TAPBPL: variants seen among roughly 807,000 people sequenced by gnomAD.
The protein encoded by TAPBPL is tapasin-related protein.
A neutral mutation model predicts 44.8 loss-of-function variants in TAPBPL; 32 were observed. The ratio of observed to expected loss-of-function variants is 0.71; its 90% CI spans 0.54 to 0.96. TAPBPL has a LOEUF of 0.96. Ranked by LOEUF, TAPBPL falls within the 40% of genes least tolerant of loss-of-function variation. TAPBPL has a pLI of 0.00. For synonymous variants in TAPBPL, 230 were observed against 240.7 expected (o/e 0.96, Z 0.41); for missense variants, 520 against 586.6 (o/e 0.89, Z 1.17).
chr12:6,458,749 C>A lies in TAPBPL; in HGVS notation c.1009C>A (p.Arg337=). Residue 337 remains arginine, a synonymous_variant, in exon 5 of 7, where the codon CGA becomes AGA. Coordinates refer to ENST00000266556, the MANE Select transcript of TAPBPL (RefSeq NM_018009.5). Reference sequence around the variant, plus strand: ...TCTGGATGTGGTGGTGACGTGGACCCGAGAGGAGCTGGGTGGATCCCCAGC... The same window carrying A: ...TCTGGATGTGGTGGTGACGTGGACCAGAGAGGAGCTGGGTGGATCCCCAGC... ...YPLDVVVTWT[R]EELGGSPAQV... is the part of the protein sequence containing the mutation. 1.2e-6 allele frequency: 2 copies of A among 1,614,164 alleles called. No homozygotes were observed. The highest frequency in any genetic ancestry group is 1.7e-6 in the Non-Finnish European group (2 of 1,180,038).
Position 6,452,232 on chromosome 12 carries a change from ACTCGAGAGCAGC to A in TAPBPL, c.-13_-2del. 6.4e-7 allele frequency: 1 copy of A among 1,566,442 alleles called. No homozygotes were observed. The highest frequency in any genetic ancestry group is 2.3e-5 in the East Asian group (1 of 43,268). On this transcript the variant is annotated 5_prime_UTR_variant, in exon 1 of 7. Transcript: ENST00000266556. ...GAGAAGGGCGGTGGGCAAGGAGGGA[ACTCGAGAGCAGC>A]CTCCATGGGCACACAGGAGGGCTGG... is the stretch of plus-strand genomic sequence containing the variant.
rs764106054 is a variant in TAPBPL at position 6,457,645 on chromosome 12, A to T, written c.805A>T (p.Thr269Ser). The change falls in exon 4 of 7, where the codon ACC becomes TCC. Residue 269 changes from threonine (T) to serine (S), a missense_variant. Physicochemically the swap from Thr to Ser is moderately conservative, Grantham distance 58. Transcript: ENST00000266556. ...GGGCATGGCCAGGGATGCCTCCCTC[A>T]CCCTGCCCGGCCTCACTATACAGGA... ...QLGMARDASL[T>S]LPGLTIQDEG... The T allele has an allele frequency of 1.2e-6, 2 of 1,613,842 alleles. No homozygotes were observed. Among genetic ancestry groups the T allele is most frequent in the African/African-American group, 2.7e-5 (2 of 74,858 alleles).
chr12:6,464,445 A>G (rs1432741462), downstream of TAPBPL: 2 of 1,566,314 alleles, frequency 1.3e-6, no homozygotes, highest in Non-Finnish European at 1.7e-6. Flanking sequence ...ATGGCAATGG[A>G]CAACAGGGAA....
In TAPBPL at chr12:6,453,305, C is replaced by T. The variant is rs1328675618; in HGVS notation, c.295+8C>T. 1 of 1,613,400 alleles carries T rather than the reference C, an allele frequency of 6.2e-7. No homozygotes were observed. The highest frequency in any genetic ancestry group is 1.7e-4 in the Middle Eastern group (1 of 6,060). ...TTATCTTTGAGGCCTCAGGTAAAAG[C>T]CTTCCACCTGTGTCCTTGGTCCTCC... On this transcript the variant is annotated splice_region_variant and intron_variant, in intron 2 of 6. Coordinates refer to ENST00000266556, the MANE Select transcript of TAPBPL (RefSeq NM_018009.5). The surrounding 1 kb of genome is among the most constrained non-coding windows in gnomAD (Gnocchi z 4.8).
At chr12:6,463,810 C>G (rs1949938276), downstream of TAPBPL, 3 of 1,203,604 alleles carry the variant, frequency 2.5e-6, no homozygotes, top group Admixed American at 3.3e-5. The surrounding 1 kb of genome is among the most constrained non-coding windows in gnomAD (Gnocchi z 4.0). Flanking sequence ...TTCACAATCC[C>G]TAAGTGTTCT....
Position 6,453,013 on chromosome 12 carries a change from A to C in TAPBPL, c.65-54A>C, listed in dbSNP as rs1282104073. 1 of 1,509,138 alleles carries C rather than the reference A, an allele frequency of 6.6e-7. No homozygotes were observed. The highest frequency in any genetic ancestry group is 2.4e-5 in the East Asian group (1 of 40,842). The allele number at this position is 1,509,138 out of a possible 1,614,324, so 93.5% of individuals were successfully genotyped here. On this transcript the variant is annotated intron_variant, in intron 1 of 6. Transcript: ENST00000266556. The surrounding 1 kb of genome is among the most constrained non-coding windows in gnomAD (Gnocchi z 4.8). ...AGCTTGAGGGCGGGGGCAGGAAGCA[A>C]GTGTGGAGTAGCTTTCTGGGGAAGG...
intron 4 of TAPBPL, 143 bp from the exon 5 acceptor site, chr12:6,458,500 TCA>T: frequency 2.1e-6 from 2 of 970,728 alleles, no homozygotes; most frequent in Non-Finnish European, 3.0e-6. Context: ...GGTGGGCCCC[TCA>T]CACACCCCCG....
rs369558514 is a variant in TAPBPL at position 6,461,165 on chromosome 12, A to C, written c.1291+227A>C. On this transcript the variant is annotated intron_variant, in intron 6 of 6. Coordinates refer to ENST00000266556, the MANE Select transcript of TAPBPL (RefSeq NM_018009.5). ...TGTCACTCTCCTGCCTCAGAGTAGA[A>C]AGAAAGAGTAGTCACGTGCTCCCAG... 8 of 1,364,896 alleles carry C rather than the reference A, an allele frequency of 5.9e-6. No homozygotes were observed. The East Asian group carries it at 8.9e-5, about 15-fold the overall frequency. The allele number at this position is 1,364,896 out of a possible 1,614,324, so 84.5% of individuals were successfully genotyped here.
At chr12:6,463,781 G>A (rs1949937766), downstream of TAPBPL, 2 of 1,184,748 alleles carry the variant, frequency 1.7e-6, no homozygotes, top group Admixed American at 3.7e-5. The surrounding 1 kb of genome is among the most constrained non-coding windows in gnomAD (Gnocchi z 4.0). Flanking sequence ...CTTCTAGGAT[G>A]GAAACAAGTC....
chr12:6,470,417 T>A, downstream of TAPBPL: 2 of 1,506,258 alleles, frequency 1.3e-6, no homozygotes, highest in Non-Finnish European at 1.8e-6. Flanking sequence ...GCGGTGGTAG[T>A]TCCCCGCGTT....
chr12:6,462,861 A>T, downstream of TAPBPL: 1 of 1,605,318 alleles, frequency 6.2e-7, no homozygotes, highest in Non-Finnish European at 8.5e-7. Context: ...GGACGAAGGG[A>T]ATGTGGGAAA....
chr12:6,460,780 T>C, intron 5 of TAPBPL, 75 bp from the exon 6 acceptor site: 1 of 1,426,938 alleles, frequency 7.0e-7, no homozygotes, highest in Non-Finnish European at 9.9e-7. Flanking sequence ...CTCCCTGGGG[T>C]GGACACTGCA....
downstream of TAPBPL, chr12:6,464,076 G>T (rs919054192): frequency 1.5e-6 from 2 of 1,302,504 alleles, no homozygotes; most frequent in Non-Finnish European, 2.0e-6. Flanking sequence ...CAGTGGCCAG[G>T]TTTTCTAGAA....
At position 6,453,956 on chromosome 12, in the gene TAPBPL, G is replaced by A. The variant is rs956535541; in HGVS notation, c.565+240G>A. On this transcript the variant is annotated intron_variant, in intron 3 of 6. Transcript: ENST00000266556. This position sits in a 1 kb window ranked among gnomAD's most constrained non-coding sequence, Gnocchi z 4.8. ...CTTGAACCCGGAAGGCAGAGGTTGC[G>A]GTGAGCCGAGATCACACCATGGCAC... Among the ~76,000 whole-genome samples, 5 of 150,506 alleles carry A rather than the reference G, an allele frequency of 3.3e-5. No homozygotes were observed. Among genetic ancestry groups the A allele is most frequent in the Non-Finnish European group, 7.4e-5 (5 of 67,560 alleles).
rs766573134 is a variant in TAPBPL at position 6,453,253 on chromosome 12, G to A, written c.251G>A (p.Gly84Asp). 2 of 1,614,044 alleles carry A rather than the reference G, an allele frequency of 1.2e-6. No homozygotes were observed. Among genetic ancestry groups the A allele is most frequent in the South Asian group, 1.1e-5 (1 of 91,034 alleles). Residue 84 changes from glycine (G) to aspartate (D), a missense_variant, in exon 2 of 7, where the codon GGC (glycine) becomes GAC (aspartate). Transcript: ENST00000266556. The surrounding 1 kb of genome is among the most constrained non-coding windows in gnomAD (Gnocchi z 4.8). ...SLEDFTDFQG[G>D]TLAQDDPPII... The stretch of plus-strand genomic sequence containing the variant: ...GAGGACTTCACCGATTTCCAAGGGG[G>A]CACACTGGCCCAAGATGACCCACCT...
downstream of TAPBPL, chr12:6,465,297 G>T (rs1405938862): frequency 2.6e-6 from 1 of 380,204 alleles, no homozygotes; most frequent in Non-Finnish European, 5.1e-6. Flanking sequence ...CTCAAAAGTT[G>T]CAGTTATTTA....
At chr12:6,471,025 T>C, downstream of TAPBPL, 1 of 154,530 alleles carries the variant, frequency 6.5e-6, no homozygotes, top group South Asian at 1.7e-4. The surrounding 1 kb of genome is among the most constrained non-coding windows in gnomAD (Gnocchi z 4.0). Context: ...CTGAAGACCG[T>C]GCCCGCCCCT....
intron 1 of TAPBPL, chr12:6,452,566 A>G: frequency 7.2e-7 from 1 of 1,380,966 alleles, no homozygotes. Flanking sequence ...ACTGTCCTAC[A>G]GAGAGGGCAC....
At chr12:6,463,744 C>T, downstream of TAPBPL, 1 of 1,156,558 alleles carries the variant, frequency 8.6e-7, no homozygotes, top group South Asian at 1.8e-5. This position sits in a 1 kb window ranked among gnomAD's most constrained non-coding sequence, Gnocchi z 4.0. Flanking sequence ...AGAGAAAGCT[C>T]CTTCCAGCTA....
Sources: allele counts gnomAD v4.1 joint callset (sites outside exome capture counted in the v4.1 genomes callset), GRCh38; gene constraint gnomAD v4.1.1; non-coding constraint Gnocchi (gnomAD v3.1); transcripts MANE v1.5; gene names NCBI Gene and HGNC (gene_info 2026-07-23, HGNC 2026-07-21).